The following PLD5 variants were observed in gnomAD, a reference collection of about 807,000 sequenced individuals.
PLD5 encodes inactive phospholipase D5.
In PLD5, 36 loss-of-function variants were observed where a neutral mutation model predicts 61.1. The ratio of observed to expected loss-of-function variants is 0.59; its 90% CI spans 0.45 to 0.78. The LOEUF is 0.78. Ranked by LOEUF, PLD5 falls within the 30% of genes least tolerant of loss-of-function variation. The pLI is 0.00. For synonymous variants in PLD5, 243 were observed against 242.8 expected (o/e 1.00, Z -0.01); for missense variants, 515 against 644.4 (o/e 0.80, Z 2.17).
At chr1:242,353,161 G>A (rs1271408396) in intron 1 of PLD5, among the ~76,000 whole-genome samples, 2 of 152,036 alleles carry the variant, frequency 1.3e-5, no homozygotes, top group African/African-American at 4.8e-5. Flanking sequence ...CACGCTTTCA[G>A]GTTTTATGTT....
chr1:242,469,697 C>T (rs544972198), intron 1 of PLD5, among the ~76,000 whole-genome samples: 15 of 152,186 alleles, frequency 9.9e-5, no homozygotes, highest in African/African-American at 2.9e-4. Context: ...AATTTTTAGA[C>T]ATGGGGTCTT....
chr1:242,407,632 T>G (rs1373736260), intron 1 of PLD5, among the ~76,000 whole-genome samples: 1 of 149,758 alleles, frequency 6.7e-6, no homozygotes, highest in Non-Finnish European at 1.5e-5. Context: ...CAGACTGGAG[T>G]GCAGTGGGGC....
Position 242,207,898 on chromosome 1 carries a change from ATATATT to A in PLD5, c.735+12084_735+12089del, listed in dbSNP as rs1220718689. On this transcript the variant is annotated intron_variant, in intron 5 of 9. Coordinates refer to ENST00000536534, the MANE Select transcript of PLD5 (RefSeq NM_001372062.1). ...TATATTTATATATTTATATATATTT[ATATATT>A]TATATATATTTATATATTTATATAT... 1.8e-3 allele frequency among the ~76,000 whole-genome samples: 13 copies of A among 7,080 alleles called. 3 individuals carry two copies. The highest frequency in any genetic ancestry group is 2.6e-3 in the Admixed American group (1 of 382). 4.6% of individuals were successfully genotyped at this position (7,080 alleles called of 152,430 possible). A position where few individuals can be genotyped will look rare whatever the true frequency, so the allele number is the denominator to read the frequency against.
chr1:242,455,978 T>C (rs1347302163), intron 1 of PLD5, among the ~76,000 whole-genome samples: 2 of 152,040 alleles, frequency 1.3e-5, no homozygotes, highest in African/African-American at 4.8e-5. Flanking sequence ...GACCTAGGAG[T>C]CCAGGAATTC....
Position 242,227,427 on chromosome 1 carries a change from C to T in PLD5, c.608-7312G>A, listed in dbSNP as rs12043258. On this transcript the variant is annotated intron_variant, in intron 4 of 9. Coordinates refer to ENST00000536534, the MANE Select transcript of PLD5 (RefSeq NM_001372062.1). ...TCACCCAGGCTGGGGTGCAGTGGTGCGATCTTGGCTCATTGCAACCTCTGC... is the reference window on the plus strand; with the variant it reads ...TCACCCAGGCTGGGGTGCAGTGGTGTGATCTTGGCTCATTGCAACCTCTGC... 2.0e-4 allele frequency among the ~76,000 whole-genome samples: 31 copies of T among 152,172 alleles called. No homozygotes were observed. In the East Asian group the frequency reaches 4.5e-3, roughly 22 times the overall value.
intron 2 of PLD5, among the ~76,000 whole-genome samples, chr1:242,308,197 CTAATTTA>C (rs1484961332): frequency 5.3e-5 from 8 of 152,046 alleles, no homozygotes; most frequent in African/African-American, 1.9e-4. Context: ...CAATCACCTT[CTAATTTA>C]TATTTGCTCT....
At chr1:242,160,706 G>A (rs1445669734) in intron 5 of PLD5, among the ~76,000 whole-genome samples, 2 of 151,902 alleles carry the variant, frequency 1.3e-5, no homozygotes, top group East Asian at 3.9e-4. Context: ...CCAACATGGT[G>A]AAACACCACC....
chr1:242,397,209 C>T (rs531731026), intron 1 of PLD5, among the ~76,000 whole-genome samples: 1 of 152,222 alleles, frequency 6.6e-6, no homozygotes, highest in East Asian at 1.9e-4. Flanking sequence ...CTCTGAAACT[C>T]TAGACTTACA....
chr1:242,407,670 A>G (rs1250474313), intron 1 of PLD5, among the ~76,000 whole-genome samples: 1 of 149,574 alleles, frequency 6.7e-6, no homozygotes, highest in Non-Finnish European at 1.5e-5. Context: ...ACCTCTGCCT[A>G]TGGGGCTCAA....
At chr1:242,354,257 A>G (rs1485936456) in intron 1 of PLD5, among the ~76,000 whole-genome samples, 1 of 152,168 alleles carries the variant, frequency 6.6e-6, no homozygotes, top group Non-Finnish European at 1.5e-5. Flanking sequence ...CACTTTGCCA[A>G]CAACCTGGAA....
At chr1:242,339,083 A>C (rs545825849) in intron 2 of PLD5, among the ~76,000 whole-genome samples, 162 of 152,304 alleles carry the variant, frequency 1.1e-3, no homozygotes, top group African/African-American at 3.8e-3. Context: ...TTCTCTCATA[A>C]TTCTCGGTTT....
At chr1:242,117,317 A>T (rs960939038) in intron 6 of PLD5, among the ~76,000 whole-genome samples, 1 of 151,162 alleles carries the variant, frequency 6.6e-6, no homozygotes, top group Admixed American at 6.6e-5. Flanking sequence ...ATGTGTCTTT[A>T]TTTTTGTCTA....
intron 1 of PLD5, among the ~76,000 whole-genome samples, chr1:242,389,920 T>C (rs1412802546): frequency 6.6e-6 from 1 of 152,092 alleles, no homozygotes; most frequent in African/African-American, 2.4e-5. Flanking sequence ...ACAAGTTTGG[T>C]GTTCTGCAGG....
chr1:242,524,861 C>T (rs192734595), upstream of PLD5, among the ~76,000 whole-genome samples: 256 of 151,960 alleles, frequency 1.7e-3, 1 homozygote, highest in African/African-American at 5.7e-3. Context: ...TCCCGCTCCG[C>T]ACCCGCCTTT....
intron 1 of PLD5, among the ~76,000 whole-genome samples, chr1:242,398,311 A>G (rs1208662057): frequency 6.6e-6 from 1 of 152,198 alleles, no homozygotes; most frequent in Non-Finnish European, 1.5e-5. Flanking sequence ...GCTCACATAT[A>G]CCAAACTCGT....
intron 5 of PLD5, among the ~76,000 whole-genome samples, chr1:242,183,483 A>G (rs1298931005): frequency 6.6e-6 from 1 of 152,220 alleles, no homozygotes; most frequent in Non-Finnish European, 1.5e-5. Context: ...GGGGAAAAGC[A>G]ATTATTAGTA....
chr1:242,112,323 G>GTGTA (rs1353476913), intron 7 of PLD5, among the ~76,000 whole-genome samples: 1 of 80,568 alleles, frequency 1.2e-5, no homozygotes, highest in Admixed American at 1.4e-4. Flanking sequence ...GTGTGTGTGT[G>GTGTA]TATGTATGTA....
At chr1:242,383,067 C>T (rs1418389428) in intron 1 of PLD5, among the ~76,000 whole-genome samples, 1 of 152,032 alleles carries the variant, frequency 6.6e-6, no homozygotes, top group Non-Finnish European at 1.5e-5. Flanking sequence ...CATCATTCTC[C>T]TGCACTTTCC....
chr1:242,261,842 G>A (rs1214389297), intron 4 of PLD5, among the ~76,000 whole-genome samples: 3 of 152,246 alleles, frequency 2.0e-5, no homozygotes, highest in Non-Finnish European at 4.4e-5. Context: ...TTGCAAGGAT[G>A]TGGAGCAAAC....
Sources: gnomAD v4.1 joint callset for allele counts (sites outside exome capture counted in the v4.1 genomes callset) on GRCh38, gnomAD v4.1.1 for gene constraint, MANE v1.5 for transcripts, NCBI Gene and HGNC (gene_info 2026-07-23, HGNC 2026-07-21) for gene names.